The following MPPED2 variants were observed in gnomAD, a reference collection of about 807,000 sequenced individuals.
The protein encoded by MPPED2 is metallophosphoesterase domain containing 2.
A neutral mutation model predicts 33.0 loss-of-function variants in MPPED2; 5 were observed. The observed-to-expected ratio is 0.15, with a 90% CI of 0.08 to 0.32. The LOEUF (loss-of-function observed/expected upper bound fraction) is 0.32, where lower values mean the gene tolerates loss of function less well. MPPED2 is among the 10% of genes least tolerant of loss of function. The pLI is 1.00. For missense variants in MPPED2, 275 were observed against 372.1 expected (o/e 0.74, Z 2.15); for synonymous variants, 136 against 141.9 (o/e 0.96, Z 0.29).
chr11:30,429,063 A>G (rs953082289), intron 4 of MPPED2: 3 of 152,226 alleles, frequency 2.0e-5, no homozygotes, highest in African/African-American at 7.2e-5. Context: ...AATAAAAAGA[A>G]GACGTTCACT....
chr11:30,445,560 C>T (rs1949767044), intron 4 of MPPED2, among the ~76,000 whole-genome samples: 1 of 152,202 alleles, frequency 6.6e-6, no homozygotes, highest in South Asian at 2.1e-4. Flanking sequence ...TACCAACCAT[C>T]TTCAAAATTT....
At chr11:30,411,734 G>C (rs1948113278) in intron 6 of MPPED2, 148 bp from the exon 7 acceptor site, 4 of 471,802 alleles carry the variant, frequency 8.5e-6, no homozygotes, top group Non-Finnish European at 1.4e-5. Flanking sequence ...ATGACTTTCA[G>C]AAGCTACTGC....
At position 30,531,546 on chromosome 11, in the gene MPPED2, G is replaced by C. The variant is rs557566289; in HGVS notation, c.310+4448C>G. On this transcript the variant is annotated intron_variant, in intron 3 of 6. Transcript: ENST00000358117. ...TTTCAAGTGTTCATAAGTGGGAAATGCTTGCCCAAAAAGACGATATTTCCA... is the reference window on the plus strand; with the variant it reads ...TTTCAAGTGTTCATAAGTGGGAAATCCTTGCCCAAAAAGACGATATTTCCA... Among the ~76,000 whole-genome samples, 3 of 152,348 alleles carry C rather than the reference G, an allele frequency of 2.0e-5. No homozygotes were observed. The South Asian group carries it at 6.2e-4, about 32-fold the overall frequency.
chr11:30,517,872 T>C (rs1247069720), intron 3 of MPPED2, among the ~76,000 whole-genome samples: 1 of 152,164 alleles, frequency 6.6e-6, no homozygotes, highest in Non-Finnish European at 1.5e-5. Context: ...AATAAAACCC[T>C]TCTTAAAATT....
chr11:30,503,989 T>C (rs995313886), intron 3 of MPPED2, among the ~76,000 whole-genome samples: 1 of 152,182 alleles, frequency 6.6e-6, no homozygotes, highest in African/African-American at 2.4e-5. Context: ...CAAACAAATA[T>C]ATAGTCAGAC....
intron 3 of MPPED2, among the ~76,000 whole-genome samples, chr11:30,498,302 C>T (rs1458043553): frequency 6.6e-6 from 1 of 151,972 alleles, no homozygotes; most frequent in Non-Finnish European, 1.5e-5. Context: ...AGAACTCTAC[C>T]AGCCGGGCAC....
At chr11:30,411,983 C>G (rs556242256) in intron 6 of MPPED2, among the ~76,000 whole-genome samples, 1 of 151,612 alleles carries the variant, frequency 6.6e-6, no homozygotes, top group Non-Finnish European at 1.5e-5. Flanking sequence ...CAGGGGCAAA[C>G]ACAACTAAAT....
At position 30,522,222 on chromosome 11, in the gene MPPED2, G is replaced by A. The variant is rs530293789; in HGVS notation, c.310+13772C>T. On this transcript the variant is annotated intron_variant, in intron 3 of 6. Coordinates refer to ENST00000358117, the MANE Select transcript of MPPED2 (RefSeq NM_001584.3). ...AGACAACTGGAAAAATATGAAAAAGGTCTATAGATTACATAACAGTTGTAT... is the reference window on the plus strand; with the variant it reads ...AGACAACTGGAAAAATATGAAAAAGATCTATAGATTACATAACAGTTGTAT... Among the ~76,000 whole-genome samples the A allele has an allele frequency of 4.6e-5, 7 of 152,208 alleles. No homozygotes were observed. In the East Asian group the frequency reaches 1.3e-3, roughly 29 times the overall value.
At chr11:30,580,172 T>C (rs1232006959) in intron 2 of MPPED2, 74 bp downstream of exon 2, 5 of 1,454,994 alleles carry the variant, frequency 3.4e-6, no homozygotes, top group Non-Finnish European at 4.7e-6. Context: ...CAGAAGTTAA[T>C]AGTGAATGCT....
intron 3 of MPPED2, among the ~76,000 whole-genome samples, chr11:30,515,417 C>G (rs1297478528): frequency 6.6e-6 from 1 of 152,122 alleles, no homozygotes; most frequent in Non-Finnish European, 1.5e-5. Flanking sequence ...GAACTAGATT[C>G]CAGGAATCTG....
At chr11:30,559,029 A>G (rs1956121808) in intron 2 of MPPED2, among the ~76,000 whole-genome samples, 1 of 152,192 alleles carries the variant, frequency 6.6e-6, no homozygotes. Context: ...CTTTAAAGCT[A>G]GACCAAAGAA....
intron 6 of MPPED2, among the ~76,000 whole-genome samples, chr11:30,392,498 C>G (rs1565029926): frequency 6.6e-6 from 1 of 152,202 alleles, no homozygotes; most frequent in African/African-American, 2.4e-5. Flanking sequence ...TACAACTTAA[C>G]CTGGGAGATT....
intron 4 of MPPED2, among the ~76,000 whole-genome samples, chr11:30,471,952 C>CAA (rs113198337): frequency 1.4e-5 from 2 of 145,550 alleles, no homozygotes; most frequent in Admixed American, 6.8e-5. Context: ...AACCAAATGA[C>CAA]AAAAAAAAAA....
At chr11:30,457,956 T>C (rs1950351343) in intron 4 of MPPED2, among the ~76,000 whole-genome samples, 1 of 152,194 alleles carries the variant, frequency 6.6e-6, no homozygotes, top group Admixed American at 6.5e-5. Flanking sequence ...GCTGCTGCCG[T>C]ACCAAATACT....
intron 4 of MPPED2, among the ~76,000 whole-genome samples, chr11:30,421,784 C>T (rs527968900): frequency 1.3e-5 from 2 of 152,172 alleles, no homozygotes; most frequent in South Asian, 4.1e-4. Flanking sequence ...AAAAGTAAGG[C>T]TGCTCCATAC....
intron 2 of MPPED2, among the ~76,000 whole-genome samples, chr11:30,563,080 T>A (rs1956300701): frequency 6.6e-6 from 1 of 152,126 alleles, no homozygotes; most frequent in African/African-American, 2.4e-5. Context: ...GATCCCTGCA[T>A]CCCATGCTAC....
intron 3 of MPPED2, among the ~76,000 whole-genome samples, chr11:30,523,912 C>A (rs1246726856): frequency 6.6e-6 from 1 of 152,046 alleles, no homozygotes; most frequent in Non-Finnish European, 1.5e-5. Flanking sequence ...TACAAAAGTT[C>A]GAGGTGGGAA....
At chr11:30,499,283 T>G (rs1325316806) in intron 3 of MPPED2, among the ~76,000 whole-genome samples, 2 of 152,232 alleles carry the variant, frequency 1.3e-5, no homozygotes, top group African/African-American at 4.8e-5. Flanking sequence ...GCATCCTTTA[T>G]CTGAAATGCT....
chr11:30,402,612 G>A lies in MPPED2; in HGVS notation c.766+11616C>T, dbSNP rs548194055. ...TACAGAAGTCATACATATTGACCTG[G>A]GAAATCTAAAGGTTCATTCAGTTTT... On this transcript the variant is annotated intron_variant, in intron 6 of 6. Coordinates refer to the MPPED2 transcript ENST00000448418. 4.6e-5 allele frequency among the ~76,000 whole-genome samples: 7 copies of A among 152,258 alleles called. No homozygotes were observed. The South Asian group carries it at 1.5e-3, about 32-fold the overall frequency.
Sources: gnomAD v4.1 joint callset for allele counts (sites outside exome capture counted in the v4.1 genomes callset) on GRCh38, gnomAD v4.1.1 for gene constraint, MANE v1.5 for transcripts, NCBI Gene and HGNC (gene_info 2026-07-23, HGNC 2026-07-21) for gene names.